Variants in RRBP1 observed in about 807,000 individuals in gnomAD.
RRBP1 encodes ribosome-binding protein 1.
Under a neutral mutation model 165.2 loss-of-function variants are expected in RRBP1, and 94 were observed. The ratio of observed to expected loss-of-function variants is 0.57; its 90% CI spans 0.48 to 0.68. RRBP1 has a LOEUF of 0.68. RRBP1 is among the 30% of genes least tolerant of loss of function. The pLI is 0.00. For missense variants in RRBP1, 1,676 were observed against 1,763.0 expected, an observed-to-expected ratio of 0.95 and a Z score of 0.88; for synonymous variants, 680 against 714.5, an observed-to-expected ratio of 0.95 and a Z score of 0.77.
At chr20:17,645,003 T>C (rs186164184) in intron 3 of RRBP1, among the ~76,000 whole-genome samples, 103 of 152,352 alleles carry the variant, frequency 6.8e-4, no homozygotes, top group African/African-American at 2.2e-3. Context: ...CTGGACTGGC[T>C]GGCCTATTCC....
Position 17,658,619 on chromosome 20 carries a change from C to A in RRBP1, c.1889G>T (p.Gly630Val). Residue 630 changes from glycine to valine, a missense_variant, in exon 3 of 25, where the codon GGT becomes GTT. Transcript: ENST00000377813. ...KQEAPAKKKSGSKKKGEPGPP... is the reference protein window; with the variant it reads ...KQEAPAKKKSVSKKKGEPGPP... ...ACCAGGCTCACCTTTTTTCTTTGAA[C>A]CAGACTTCTTCTTGGCAGGAGCCTC... The A allele has an allele frequency of 6.3e-7, 1 of 1,598,064 alleles. No individual in the cohort carries two copies. The highest frequency in any genetic ancestry group is 1.7e-4 in the Middle Eastern group (1 of 5,936).
Position 17,665,072 on chromosome 20 carries a change from TTATA to T in RRBP1, c.-21-4548_-21-4545del, listed in dbSNP as rs547459909. 1.3e-3 allele frequency among the ~76,000 whole-genome samples: 205 copies of T among 152,140 alleles called. 1 individual carries two copies. Among genetic ancestry groups the T allele is most frequent in the African/African-American group, 4.7e-3 (195 of 41,500 alleles). On this transcript the variant is annotated intron_variant, in intron 2 of 24. Transcript: ENST00000377813. ...TGCCATATGCACTTTAGATATTTAT[TTATA>T]TATATATGTATGTGCCTGTGTATAC...
In RRBP1 at chr20:17,660,300, C is replaced by G. The variant is rs757704769; in HGVS notation, c.208G>C (p.Gly70Arg). The G allele has an allele frequency of 6.2e-7, 1 of 1,607,786 alleles. No individual in the cohort carries two copies. The highest frequency in any genetic ancestry group is 1.7e-5 in the Admixed American group (1 of 58,720). The change falls in exon 3 of 25, where the codon GGA becomes CGA. Residue 70 changes from glycine (G) to arginine (R), a missense_variant. This residue lies in a region of RRBP1 where 392 missense variants were observed against 382.5 expected (regional missense o/e 1.02). Transcript: ENST00000377813. ...TTCTCTTCCTTTTTCTTGGTCTTTC[C>G]TTTCTTCTCCACTGTTTTCTCCTTC... ...KKKEKTVEKK[G>R]KTKKKEEKPN...
Position 17,614,890 on chromosome 20 carries a change from AG to A in RRBP1, c.4051-11del, listed in dbSNP as rs1425128049. The stretch of plus-strand genomic sequence containing the variant: ...CTTTTTCTAGTCTCTCCTGATGGTC[AG>A]AAGGTTGACGGGCATCAGCCCTTGC... On this transcript the variant is annotated splice_polypyrimidine_tract_variant and intron_variant, in intron 23 of 24. Transcript: ENST00000377813. The A allele has an allele frequency of 6.2e-7, 1 of 1,611,926 alleles. No individual in the cohort carries two copies.
intron 1 of RRBP1, among the ~76,000 whole-genome samples, chr20:17,681,211 C>G (rs1004089151): frequency 6.7e-6 from 1 of 148,446 alleles, no homozygotes; most frequent in Non-Finnish European, 1.5e-5. Context: ...GCGGGGCGGG[C>G]CGGGCCCCGG....
At chr20:17,614,256 G>A (rs1357230153) in intron 24 of RRBP1, 36 bp from the exon 25 acceptor site, 2 of 1,607,948 alleles carry the variant, frequency 1.2e-6, no homozygotes, top group Non-Finnish European at 1.7e-6. Flanking sequence ...GGGGGGCTGG[G>A]CCACGAGCCA....
At chr20:17,654,792 C>A (rs1367016707) in intron 3 of RRBP1, among the ~76,000 whole-genome samples, 2 of 152,184 alleles carry the variant, frequency 1.3e-5, no homozygotes, top group Non-Finnish European at 2.9e-5. Flanking sequence ...CACCCCCGAA[C>A]TACTGAGATG....
At chr20:17,664,973 TCATACA>T (rs2036840892) in intron 2 of RRBP1, among the ~76,000 whole-genome samples, 2 of 152,164 alleles carry the variant, frequency 1.3e-5, no homozygotes, top group Non-Finnish European at 2.9e-5. Context: ...ATGAAATGAC[TCATACA>T]AAAGACTAAA....
chr20:17,625,576 G>C lies in RRBP1; in HGVS notation c.2990C>G (p.Ser997Trp), dbSNP rs370319082. ...CTCGATGGCCTCCTTCTCCAGACCC[G>C]ACACCTGGGACTCCAGCTCCTTGAG... ...TRLKELESQV[S>W]GLEKEAIELR... is the part of the protein sequence containing the mutation. The change falls in exon 12 of 25, where the codon TCG becomes TGG. Residue 997 changes from serine to tryptophan, a missense_variant. Ser to Trp is a radical substitution (Grantham distance 177, BLOSUM62 -3). This residue lies in a region of RRBP1 where 1,184 missense variants were observed against 1,167.1 expected (regional missense o/e 1.01). Transcript: ENST00000377813. 1.9e-6 allele frequency: 3 copies of C among 1,613,822 alleles called. No homozygotes were observed. The highest frequency in any genetic ancestry group is 1.1e-5 in the South Asian group (1 of 91,080).
At chr20:17,649,208 A>G (rs1287312503) in intron 3 of RRBP1, among the ~76,000 whole-genome samples, 1 of 152,222 alleles carries the variant, frequency 6.6e-6, no homozygotes, top group Non-Finnish European at 1.5e-5. Context: ...TGAGAAACTG[A>G]GTTAGGTTCA....
In RRBP1 at chr20:17,636,672, G is replaced by A. The variant is rs773132294; in HGVS notation, c.2242C>T (p.Leu748=). The A allele has an allele frequency of 6.2e-7, 1 of 1,613,346 alleles. No individual in the cohort carries two copies. The highest frequency in any genetic ancestry group is 8.5e-7 in the Non-Finnish European group (1 of 1,180,030). ...AAGEAKVKKQ[L]VAREQEITAV... ...GTGATCTCCTGCTCCCGGGCCACCA[G>A]CTGCTTTTTCACTTTGGCCTCCCCG... The change falls in exon 6 of 25, where the codon CTG becomes TTG. Residue 748 remains leucine, a synonymous_variant. Coordinates refer to ENST00000377813, the MANE Select transcript of RRBP1 (RefSeq NM_001365613.2).
Position 17,617,750 on chromosome 20 carries a change from G to A in RRBP1, c.3759+846C>T, listed in dbSNP as rs1445218066. Among the ~76,000 whole-genome samples the A allele has an allele frequency of 2.0e-5, 3 of 152,240 alleles. 1 individual carries two copies. The highest frequency in any genetic ancestry group is 7.2e-5 in the African/African-American group (3 of 41,456). ...ATGACCAAGGGGGACCGAGGGTGTT[G>A]GGAGCGTGTGCCGGACTCACTGGCT... On this transcript the variant is annotated intron_variant, in intron 20 of 24. Transcript: ENST00000377813.
intron 1 of RRBP1, among the ~76,000 whole-genome samples, 158 bp downstream of exon 1, chr20:17,681,870 C>T (rs1261256230): frequency 2.0e-5 from 3 of 148,688 alleles, no homozygotes; most frequent in Non-Finnish European, 4.5e-5. Flanking sequence ...ACCCCGACCC[C>T]GATGGTGCAC....
chr20:17,659,724 C>T lies in RRBP1; in HGVS notation c.784G>A (p.Ala262Thr), dbSNP rs1428141655. 1.3e-6 allele frequency: 2 copies of T among 1,550,498 alleles called. No homozygotes were observed. The highest frequency in any genetic ancestry group is 2.4e-5 in the East Asian group (1 of 40,920). The part of the protein sequence containing the change: ...AEGTPNQGKK[A>T]EGAQNQGKKV... The stretch of plus-strand genomic sequence containing the variant: ...TTACCCTGGTTCTGGGCCCCCTCCG[C>T]CTTTTTGCCTTGGTTTGGGGTTCCT... The change falls in exon 3 of 25, where the codon GCG becomes ACG. Residue 262 changes from alanine (A) to threonine (T), a missense_variant. Ala to Thr is a moderately conservative substitution (Grantham distance 58, BLOSUM62 0). This residue lies in a region of RRBP1 where 392 missense variants were observed against 382.5 expected (regional missense o/e 1.02). Transcript: ENST00000377813.
chr20:17,658,687 G>A lies in RRBP1; in HGVS notation c.1821C>T (p.Gly607=). The change falls in exon 3 of 25, where the codon GGC becomes GGT. Residue 607 remains glycine, a synonymous_variant. Coordinates refer to ENST00000377813, the MANE Select transcript of RRBP1 (RefSeq NM_001365613.2). Reference sequence around the variant, plus strand: ...GGCTCTGGGCCACATCTGTATTTCTGCCCTGGACAGAAGCTGACTCTGTCT... The same window carrying A: ...GGCTCTGGGCCACATCTGTATTTCTACCCTGGACAGAAGCTGACTCTGTCT... The part of the protein sequence containing the change: ...GKKTESASVQ[G]RNTDVAQSPE... The A allele has an allele frequency of 6.2e-7, 1 of 1,614,170 alleles. No homozygotes were observed. The highest frequency in any genetic ancestry group is 8.5e-7 in the Non-Finnish European group (1 of 1,180,034).
At chr20:17,645,867 C>A (rs1006681041) in intron 3 of RRBP1, among the ~76,000 whole-genome samples, 2 of 152,226 alleles carry the variant, frequency 1.3e-5, no homozygotes, top group African/African-American at 4.8e-5. Flanking sequence ...GCTGGAAAAG[C>A]TCAGCTCCCT....
At chr20:17,628,803 G>A (rs1041174545) in intron 9 of RRBP1, among the ~76,000 whole-genome samples, 1 of 152,236 alleles carries the variant, frequency 6.6e-6, no homozygotes, top group Non-Finnish European at 1.5e-5. Context: ...CTGGAGCAGG[G>A]GCCGGGAAGC....
At chr20:17,668,761 C>T (rs2036917821) in intron 2 of RRBP1, among the ~76,000 whole-genome samples, 2 of 152,196 alleles carry the variant, frequency 1.3e-5, no homozygotes, top group Non-Finnish European at 2.9e-5. Context: ...CCCATTCCCC[C>T]TGGACATTAA....
chr20:17,624,450 T>TGC, intron 13 of RRBP1, 126 bp downstream of exon 13: 1 of 683,322 alleles, frequency 1.5e-6, no homozygotes, highest in Non-Finnish European at 2.6e-6. Flanking sequence ...TGCCTCTGTA[T>TGC]GTCTGTCCTA....
Sources: gnomAD v4.1 joint callset for allele counts (sites outside exome capture counted in the v4.1 genomes callset) on GRCh38, gnomAD v4.1.1 for gene constraint, gnomAD v4.1.1 regional missense constraint, MANE v1.5 for transcripts, NCBI Gene and HGNC (gene_info 2026-07-23, HGNC 2026-07-21) for gene names.